Variants in SCUBE1 observed in about 807,000 individuals in gnomAD.
SCUBE1 encodes signal peptide, CUB domain and EGF like domain containing 1.
A neutral mutation model predicts 124.4 loss-of-function variants in SCUBE1; 59 were observed. The ratio of observed to expected loss-of-function variants is 0.47; its 90% confidence interval spans 0.38 to 0.59. The LOEUF (loss-of-function observed/expected upper bound fraction) is 0.59, where lower values mean the gene tolerates loss of function less well. SCUBE1 is among the 20% of genes least tolerant of loss of function. The pLI is 0.00. For synonymous variants in SCUBE1, 545 were observed against 550.9 expected, an observed-to-expected ratio of 0.99 and a Z score of 0.15; for missense variants, 1,150 against 1,371.2, an observed-to-expected ratio of 0.84 and a Z score of 2.55.
intron 2 of SCUBE1, among the ~76,000 whole-genome samples, chr22:43,321,150 A>T (rs944872052): frequency 6.6e-6 from 1 of 152,190 alleles, no homozygotes; most frequent in Non-Finnish European, 1.5e-5. Context: ...AGTGCATCTC[A>T]CGAGACGACG....
intron 4 of SCUBE1, among the ~76,000 whole-genome samples, chr22:43,271,193 A>C (rs1344753471): frequency 6.6e-6 from 1 of 152,160 alleles, no homozygotes; most frequent in Non-Finnish European, 1.5e-5. Flanking sequence ...GACTGGGGCC[A>C]TGCCTGGGGC....
At chr22:43,331,346 T>A (rs971168387) in intron 2 of SCUBE1, among the ~76,000 whole-genome samples, 2 of 152,218 alleles carry the variant, frequency 1.3e-5, no homozygotes, top group Admixed American at 6.5e-5. Flanking sequence ...CATAGCAATA[T>A]ATTTGATATA....
At chr22:43,308,008 AT>A (rs1354512514) in intron 3 of SCUBE1, among the ~76,000 whole-genome samples, 1 of 151,776 alleles carries the variant, frequency 6.6e-6, no homozygotes, top group Non-Finnish European at 1.5e-5. Context: ...CCCCCACCCA[AT>A]CCCAAGCAGG....
intron 6 of SCUBE1, among the ~76,000 whole-genome samples, chr22:43,249,314 G>C (rs1477617339): frequency 6.6e-6 from 1 of 151,074 alleles, no homozygotes; most frequent in Admixed American, 6.6e-5. Context: ...CGGGGTGGAG[G>C]GGAGCTGGGG....
chr22:43,314,191 G>A (rs886700390), intron 3 of SCUBE1, among the ~76,000 whole-genome samples: 3 of 152,148 alleles, frequency 2.0e-5, no homozygotes, highest in Non-Finnish European at 4.4e-5. Flanking sequence ...GCCCACTGGG[G>A]ACAAAACCTT....
At chr22:43,239,429 G>A (rs779726596) in intron 6 of SCUBE1, among the ~76,000 whole-genome samples, 5 of 152,274 alleles carry the variant, frequency 3.3e-5, no homozygotes, top group Admixed American at 1.3e-4. Context: ...CCAGGGAGCC[G>A]AGGGGTAGGT....
At chr22:43,304,055 C>T (rs566194127) in intron 3 of SCUBE1, among the ~76,000 whole-genome samples, 84 of 152,290 alleles carry the variant, frequency 5.5e-4, no homozygotes, top group African/African-American at 8.4e-4. Flanking sequence ...TGGGCAGCTA[C>T]GGCCCTTTTC....
chr22:43,312,057 A>T (rs1926189227), intron 3 of SCUBE1, among the ~76,000 whole-genome samples: 1 of 152,200 alleles, frequency 6.6e-6, no homozygotes, highest in Non-Finnish European at 1.5e-5. Context: ...GGGAGGGAGC[A>T]GGCATTGCCC....
At chr22:43,275,316 T>C (rs1354202830) in intron 4 of SCUBE1, among the ~76,000 whole-genome samples, 1 of 152,162 alleles carries the variant, frequency 6.6e-6, no homozygotes, top group East Asian at 1.9e-4. Flanking sequence ...TGGGCGTCCC[T>C]CTCCTGGCGG....
chr22:43,317,610 T>C (rs942004609), intron 3 of SCUBE1, among the ~76,000 whole-genome samples: 4 of 152,246 alleles, frequency 2.6e-5, no homozygotes, highest in African/African-American at 9.6e-5. Flanking sequence ...CCAGTTGCTG[T>C]GCCCTGGTTA....
chr22:43,226,786 G>A (rs1447504430), intron 10 of SCUBE1, among the ~76,000 whole-genome samples: 2 of 152,098 alleles, frequency 1.3e-5, no homozygotes, highest in African/African-American at 4.8e-5. Flanking sequence ...CACCCAGACA[G>A]GGTCCCATGT....
At chr22:43,306,172 T>G (rs1262662373) in intron 3 of SCUBE1, among the ~76,000 whole-genome samples, 4 of 152,218 alleles carry the variant, frequency 2.6e-5, no homozygotes, top group Non-Finnish European at 5.9e-5. Context: ...GACGCAGTAC[T>G]GGACTGGGTT....
chr22:43,228,203 G>C (rs533348989), intron 9 of SCUBE1, among the ~76,000 whole-genome samples: 1 of 152,330 alleles, frequency 6.6e-6, no homozygotes, highest in South Asian at 2.1e-4. Context: ...AAGGAAGAGA[G>C]AGGGGGACCG....
At chr22:43,271,178 G>A (rs1924278638) in intron 4 of SCUBE1, among the ~76,000 whole-genome samples, 1 of 151,876 alleles carries the variant, frequency 6.6e-6, no homozygotes, top group Non-Finnish European at 1.5e-5. Context: ...CAAGTGCCTA[G>A]GTTGGACTGG....
chr22:43,234,109 C>T lies in SCUBE1; in HGVS notation c.845-2234G>A, dbSNP rs965053311. On this transcript the variant is annotated intron_variant, in intron 7 of 21. Transcript: ENST00000360835. This position sits in a 1 kb window ranked among gnomAD's most constrained non-coding sequence, Gnocchi z 4.4. Reference sequence around the variant, plus strand: ...GAAAGAGATATGAAGCCCAGCTGTGCTGGTCCAGGGCGGAGGCTTAGGAAT... The same window carrying T: ...GAAAGAGATATGAAGCCCAGCTGTGTTGGTCCAGGGCGGAGGCTTAGGAAT... Among the ~76,000 whole-genome samples, 1 of 151,998 alleles carries T rather than the reference C, an allele frequency of 6.6e-6. No homozygotes were observed. The highest frequency in any genetic ancestry group is 2.4e-5 in the African/African-American group (1 of 41,396).
At chr22:43,273,828 C>A (rs1924390024) in intron 4 of SCUBE1, among the ~76,000 whole-genome samples, 1 of 152,104 alleles carries the variant, frequency 6.6e-6, no homozygotes. Context: ...CCACCTCGGC[C>A]TCCCAAAGTG....
At chr22:43,248,541 G>A (rs1198124474) in intron 6 of SCUBE1, among the ~76,000 whole-genome samples, 1 of 152,228 alleles carries the variant, frequency 6.6e-6, no homozygotes, top group African/African-American at 2.4e-5. Flanking sequence ...CAACCTGGCT[G>A]GGGGCCCCAG....
chr22:43,211,248 A>G lies in SCUBE1; in HGVS notation c.2222-165T>C, dbSNP rs1921539548. Among the ~76,000 whole-genome samples the G allele has an allele frequency of 6.6e-6, 1 of 152,138 alleles. No individual in the cohort carries two copies. On this transcript the variant is annotated intron_variant, in intron 17 of 21. Transcript: ENST00000360835. The surrounding 1 kb of genome is among the most constrained non-coding windows in gnomAD (Gnocchi z 4.5). ...GACCTCCCACCACCCTCACTCCGCCATGGCCAGGAAGAGCCCTTGGCGTGG... is the reference window on the plus strand; with the variant it reads ...GACCTCCCACCACCCTCACTCCGCCGTGGCCAGGAAGAGCCCTTGGCGTGG...
intron 1 of SCUBE1, 84 bp from the exon 2 acceptor site, chr22:43,339,319 TG>T: frequency 7.2e-7 from 1 of 1,393,950 alleles, no homozygotes; most frequent in Non-Finnish European, 9.9e-7. Context: ...GGGGAGCTCT[TG>T]CCTTTGCCCG....
Sources: gnomAD v4.1 joint callset for allele counts (sites outside exome capture counted in the v4.1 genomes callset) on GRCh38, gnomAD v4.1.1 for gene constraint, Gnocchi (gnomAD v3.1) non-coding constraint, MANE v1.5 for transcripts, NCBI Gene and HGNC (gene_info 2026-07-23, HGNC 2026-07-21) for gene names.